ROR1: variants seen among roughly 807,000 people sequenced by gnomAD.
The protein encoded by ROR1 is ROR family WNT receptor 1, also known as inactive tyrosine-protein kinase transmembrane receptor ROR1.
ROR1 carries 19 observed loss-of-function variants against 78.8 expected under a neutral mutation model. The ratio of observed to expected loss-of-function variants is 0.24; its 90% confidence interval spans 0.17 to 0.35. ROR1 has a LOEUF of 0.35. Among genes scored for constraint, ROR1 ranks in the 10% least tolerant of loss-of-function variants. The pLI is 1.00. For missense variants in ROR1, 917 were observed against 1,177.8 expected (o/e 0.78, Z 3.24); for synonymous variants, 386 against 433.6 (o/e 0.89, Z 1.36).
chr1:63,923,194 A>G (rs1213792245), intron 1 of ROR1, among the ~76,000 whole-genome samples: 4 of 152,190 alleles, frequency 2.6e-5, no homozygotes, highest in Non-Finnish European at 5.9e-5. Context: ...AAAGCATTTA[A>G]TATACCCACA....
At chr1:63,821,888 G>T (rs1256072045) in intron 1 of ROR1, among the ~76,000 whole-genome samples, 2 of 152,176 alleles carry the variant, frequency 1.3e-5, no homozygotes, top group East Asian at 3.8e-4. Flanking sequence ...AGTGGCTGGG[G>T]AGTGAGTCAC....
intron 1 of ROR1, among the ~76,000 whole-genome samples, chr1:63,844,039 G>A (rs150364362): frequency 1.3e-5 from 2 of 152,126 alleles, no homozygotes; most frequent in African/African-American, 4.8e-5. Flanking sequence ...CTAGCCTTAG[G>A]GGGGCAGCAT....
At chr1:63,893,691 A>C (rs908632604) in intron 1 of ROR1, among the ~76,000 whole-genome samples, 3 of 152,052 alleles carry the variant, frequency 2.0e-5, no homozygotes, top group Admixed American at 1.3e-4. Context: ...CTGTCTTTTC[A>C]TCAATTAATG....
intron 6 of ROR1, among the ~76,000 whole-genome samples, chr1:64,141,200 A>G (rs1354496538): frequency 2.0e-5 from 3 of 152,224 alleles, no homozygotes; most frequent in Admixed American, 1.3e-4. Flanking sequence ...GTATCAGTAC[A>G]TTCTCACATT....
intron 8 of ROR1, among the ~76,000 whole-genome samples, chr1:64,171,852 AG>A (rs1173507231): frequency 6.6e-6 from 1 of 152,234 alleles, no homozygotes; most frequent in Non-Finnish European, 1.5e-5. Flanking sequence ...GTGACAGAGC[AG>A]GCTTCATGTT....
intron 1 of ROR1, chr1:63,789,267 C>T (rs925968884): frequency 2.3e-5 from 13 of 564,426 alleles, no homozygotes; most frequent in African/African-American, 2.1e-4. Flanking sequence ...GGGGAGGACC[C>T]TAGAGGCAAG....
chr1:64,082,001 C>T (rs1178661124), intron 4 of ROR1, among the ~76,000 whole-genome samples: 1 of 152,022 alleles, frequency 6.6e-6, no homozygotes, highest in African/African-American at 2.4e-5. Flanking sequence ...AAAAGCAGAG[C>T]ATATAACTCT....
chr1:64,002,059 G>A (rs115855712), intron 1 of ROR1, among the ~76,000 whole-genome samples: 1,976 of 151,364 alleles, frequency 0.013, 42 homozygotes, highest in African/African-American at 0.046. Flanking sequence ...GTTTATAATT[G>A]CCTGTTTGTG....
chr1:63,800,121 G>A (rs138671520), intron 1 of ROR1, among the ~76,000 whole-genome samples: 3 of 152,326 alleles, frequency 2.0e-5, no homozygotes, highest in African/African-American at 7.2e-5. Context: ...AGACAGATGA[G>A]AAGGTTTGAC....
intron 1 of ROR1, among the ~76,000 whole-genome samples, chr1:63,885,003 T>G (rs149256832): frequency 4.7e-4 from 71 of 152,298 alleles, no homozygotes; most frequent in Non-Finnish European, 8.7e-4. Flanking sequence ...TTTTTGTGTC[T>G]CTAATTTCCA....
intron 2 of ROR1, among the ~76,000 whole-genome samples, chr1:64,017,361 T>C (rs2100552609): frequency 6.6e-6 from 1 of 152,324 alleles, no homozygotes; most frequent in East Asian, 1.9e-4. Flanking sequence ...CAGTTCCCTT[T>C]GACCAAGCAG....
chr1:63,877,360 A>G (rs1238017416), intron 1 of ROR1, among the ~76,000 whole-genome samples: 1 of 152,186 alleles, frequency 6.6e-6, no homozygotes, highest in African/African-American at 2.4e-5. Flanking sequence ...TGCTGAACTC[A>G]AGTCTCAAGT....
chr1:63,811,567 C>CT (rs1163411903), intron 1 of ROR1, among the ~76,000 whole-genome samples: 3 of 151,940 alleles, frequency 2.0e-5, no homozygotes, highest in Non-Finnish European at 4.4e-5. Context: ...CTCACTCCAT[C>CT]TTTTTTTTCC....
At chr1:63,961,004 T>C (rs1646022801) in intron 1 of ROR1, among the ~76,000 whole-genome samples, 1 of 152,182 alleles carries the variant, frequency 6.6e-6, no homozygotes, top group Non-Finnish European at 1.5e-5. Context: ...GATAAGCAAT[T>C]TGATGTACCA....
intron 1 of ROR1, among the ~76,000 whole-genome samples, chr1:63,797,044 A>G (rs1644765674): frequency 6.6e-6 from 1 of 152,192 alleles, no homozygotes; most frequent in Admixed American, 6.5e-5. Context: ...TGTTAAACCT[A>G]TTAGATGGGA....
intron 1 of ROR1, among the ~76,000 whole-genome samples, chr1:63,814,191 C>G (rs1253798935): frequency 6.6e-6 from 1 of 152,198 alleles, no homozygotes; most frequent in Non-Finnish European, 1.5e-5. Context: ...CTGGAACTCT[C>G]TCTGGGCACC....
chr1:63,788,973 A>G, intron 1 of ROR1: 2 of 669,820 alleles, frequency 3.0e-6, no homozygotes, highest in Non-Finnish European at 5.6e-6. Flanking sequence ...CTTCTTAGAT[A>G]TGCGGTATCT....
intron 1 of ROR1, among the ~76,000 whole-genome samples, chr1:63,872,167 C>G (rs981173963): frequency 1.3e-5 from 2 of 152,176 alleles, no homozygotes; most frequent in African/African-American, 4.8e-5. Flanking sequence ...CCAGGGTGGT[C>G]TACAGTAGTT....
chr1:63,910,071 A>G (rs1197971312), intron 1 of ROR1, among the ~76,000 whole-genome samples: 1 of 152,184 alleles, frequency 6.6e-6, no homozygotes, highest in Non-Finnish European at 1.5e-5. Context: ...CAGTGCACTT[A>G]ATCTATGAAG....
Sources: gnomAD v4.1 joint callset for allele counts (sites outside exome capture counted in the v4.1 genomes callset) on GRCh38, gnomAD v4.1.1 for gene constraint, MANE v1.5 for transcripts, NCBI Gene and HGNC (gene_info 2026-07-23, HGNC 2026-07-21) for gene names.